The following COL12A1 variants were observed in gnomAD, a reference collection of about 807,000 sequenced individuals.
The protein encoded by COL12A1 is collagen type XII alpha 1 chain, also known as collagen alpha-1(XII) chain.
A neutral mutation model predicts 349.7 loss-of-function variants in COL12A1; 114 were observed. That is an observed-to-expected ratio of 0.33 (90% CI 0.28 to 0.38). The LOEUF (loss-of-function observed/expected upper bound fraction) is 0.38, where lower values mean the gene tolerates loss of function less well. Ranked by LOEUF, COL12A1 falls within the 10% of genes least tolerant of loss-of-function variation. The probability of loss-of-function intolerance (pLI) is 1.00; values close to 1 mark genes in which losing one functional copy is unlikely to be tolerated. For missense variants in COL12A1, 3,284 were observed against 3,756.9 expected (o/e 0.87, Z 3.29); for synonymous variants, 1,369 against 1,329.0 (o/e 1.03, Z -0.66).
At position 75,125,234 on chromosome 6, in the gene COL12A1, G is replaced by C. The variant is rs2149375589; in HGVS notation, c.6500C>G (p.Thr2167Arg). The change falls in exon 40 of 66, where the codon ACA becomes AGA. Residue 2167 changes from threonine (T) to arginine (R), a missense_variant. Physicochemically the swap from Thr to Arg is moderately conservative, Grantham distance 71 (BLOSUM62 -1). Coordinates refer to ENST00000322507, the MANE Select transcript of COL12A1 (RefSeq NM_004370.6). ...ATTGAGATTGTGTAAGGTATATGAT[G>C]TCATTTCTCCAACAAAGGCTTCCAT... The part of the protein sequence containing the change: ...EPMEAFVGEM[T>R]SYTLHNLNPS... 1 of 1,609,996 alleles carries C rather than the reference G, an allele frequency of 6.2e-7. No individual in the cohort carries two copies. Among genetic ancestry groups the C allele is most frequent in the Non-Finnish European group, 8.5e-7 (1 of 1,177,822 alleles).
chr6:75,098,778 G>T (rs575000451), intron 58 of COL12A1, among the ~76,000 whole-genome samples: 1 of 152,240 alleles, frequency 6.6e-6, no homozygotes, highest in East Asian at 1.9e-4. Flanking sequence ...TACACACAAA[G>T]GCCAGAACTG....
chr6:75,091,393 G>A lies in COL12A1; in HGVS notation c.8686-4C>T. The A allele has an allele frequency of 1.2e-6, 2 of 1,613,572 alleles. No individual in the cohort carries two copies. The highest frequency in any genetic ancestry group is 1.7e-6 in the Non-Finnish European group (2 of 1,179,736). ...TGTTCTGGGAAGCAATGTCTCCCTT[G>A]TTGAATTAATGAGAATGATTAGCAT... On this transcript the variant is annotated splice_polypyrimidine_tract_variant and splice_region_variant and intron_variant, in intron 61 of 65. Coordinates refer to ENST00000322507, the MANE Select transcript of COL12A1 (RefSeq NM_004370.6).
Position 75,201,629 on chromosome 6 carries a change from G to GAA in COL12A1, c.73+1089_73+1090dup, listed in dbSNP as rs199919591. 7.7e-3 allele frequency among the ~76,000 whole-genome samples: 1,086 copies of GAA among 140,240 alleles called. 39 individuals are homozygous for GAA. The East Asian group carries it at 0.12, about 16-fold the overall frequency. The allele number at this position is 140,240 out of a possible 152,430, so 92.0% of individuals were successfully genotyped here. Reference sequence around the variant, plus strand: ...ACTTCATCAGGGGTATTTCTTTACTGAAAAAAAAAAAAGATATCTTTCATG... The same window carrying GAA: ...ACTTCATCAGGGGTATTTCTTTACTGAAAAAAAAAAAAAAGATATCTTTCATG... On this transcript the variant is annotated intron_variant, in intron 2 of 65. Transcript: ENST00000322507.
At chr6:75,180,407 G>C (rs1233725902) in intron 11 of COL12A1, among the ~76,000 whole-genome samples, 1 of 152,122 alleles carries the variant, frequency 6.6e-6, no homozygotes. Flanking sequence ...AGTTTTGCTA[G>C]TTCTAAAGAC....
intron 8 of COL12A1, 22 bp from the exon 9 acceptor site, chr6:75,184,166 G>A: frequency 6.2e-7 from 1 of 1,607,548 alleles, no homozygotes; most frequent in Non-Finnish European, 8.5e-7. Flanking sequence ...CAAGCAGACA[G>A]TGATTAATAA....
At chr6:75,116,576 T>C (rs772716227) in intron 47 of COL12A1, among the ~76,000 whole-genome samples, 27 of 152,030 alleles carry the variant, frequency 1.8e-4, no homozygotes, top group Non-Finnish European at 3.8e-4. Context: ...GAGAAACCAC[T>C]CCAGCCCCCT....
chr6:75,095,434 G>A (rs1204425964), intron 59 of COL12A1, among the ~76,000 whole-genome samples: 2 of 151,906 alleles, frequency 1.3e-5, no homozygotes, highest in Admixed American at 6.5e-5. Context: ...TGGCTAACAA[G>A]GTGAAACCCC....
chr6:75,172,297 A>T (rs2149447601), intron 13 of COL12A1, among the ~76,000 whole-genome samples: 1 of 152,346 alleles, frequency 6.6e-6, no homozygotes, highest in South Asian at 2.1e-4. Flanking sequence ...TTTGTTAAAT[A>T]CAATTTGTAA....
At chr6:75,089,455 C>T (rs1767654253) in intron 63 of COL12A1, among the ~76,000 whole-genome samples, 1 of 152,024 alleles carries the variant, frequency 6.6e-6, no homozygotes, top group Non-Finnish European at 1.5e-5. Context: ...GAACAGTAAT[C>T]CTGAAGAAAT....
chr6:75,103,411 G>T (rs1219980648), intron 55 of COL12A1, among the ~76,000 whole-genome samples: 1 of 152,164 alleles, frequency 6.6e-6, no homozygotes, highest in Non-Finnish European at 1.5e-5. Context: ...AAAAGCAGCA[G>T]CAGTAGTGCT....
chr6:75,148,515 G>C lies in COL12A1; in HGVS notation c.4148-18C>G. The C allele has an allele frequency of 2.5e-6, 4 of 1,604,086 alleles. No individual in the cohort carries two copies. Among genetic ancestry groups the C allele is most frequent in the Non-Finnish European group, 3.4e-6 (4 of 1,174,180 alleles). ...CAAATCACCTACACATGGAAATAAA[G>C]GGTATACACTTTTCTCATTATTGTA... On this transcript the variant is annotated intron_variant, in intron 21 of 65. Transcript: ENST00000322507.
At chr6:75,104,311 A>G (rs1768440621) in intron 54 of COL12A1, among the ~76,000 whole-genome samples, 5 of 152,224 alleles carry the variant, frequency 3.3e-5, no homozygotes, top group Non-Finnish European at 5.9e-5. Context: ...AAAACATCTA[A>G]GTCACATCCA....
intron 32 of COL12A1, among the ~76,000 whole-genome samples, chr6:75,134,496 G>T (rs749443582): frequency 6.6e-6 from 1 of 152,104 alleles, no homozygotes; most frequent in East Asian, 1.9e-4. Flanking sequence ...GCTTGAACCC[G>T]GGAGGCAGAG....
At chr6:75,152,759 T>C (rs1649291866) in intron 17 of COL12A1, among the ~76,000 whole-genome samples, 1 of 152,162 alleles carries the variant, frequency 6.6e-6, no homozygotes, top group Non-Finnish European at 1.5e-5. Flanking sequence ...TCATAGAACC[T>C]GGAGACTTGA....
At position 75,145,431 on chromosome 6, in the gene COL12A1, C is replaced by T; in HGVS notation, c.4585G>A (p.Asp1529Asn). ...GGAACAAGGTCAGTCAGCTGCATGT[C>T]ATTCACTGTTGGCCCCAAACGCACC... Reference protein sequence around the residue: ...KEVRLGPTVNDMQLTDLVPNT... With the variant: ...KEVRLGPTVNNMQLTDLVPNT... Residue 1529 changes from aspartate (D) to asparagine (N), a missense_variant, in exon 25 of 66, where the codon GAC becomes AAC. Coordinates refer to ENST00000322507, the MANE Select transcript of COL12A1 (RefSeq NM_004370.6). 6.2e-7 allele frequency: 1 copy of T among 1,613,928 alleles called. No homozygotes were observed. The highest frequency in any genetic ancestry group is 8.5e-7 in the Non-Finnish European group (1 of 1,179,878).
intron 32 of COL12A1, 29 bp downstream of exon 32, chr6:75,134,697 G>A (rs1406429057): frequency 6.5e-7 from 1 of 1,546,672 alleles, no homozygotes; most frequent in Non-Finnish European, 8.8e-7. Flanking sequence ...AGCTATTAAA[G>A]AAGCTATAGG....
Position 75,117,529 on chromosome 6 carries a change from C to G in COL12A1, c.7372G>C (p.Val2458Leu), listed in dbSNP as rs766651496. Residue 2458 changes from valine (V) to leucine (L), a missense_variant, in exon 47 of 66, where the codon GTT becomes CTT. Val to Leu is a conservative substitution (Grantham distance 32). Transcript: ENST00000322507. ...TTGTAGTCGACATCAGCCACACCAA[C>G]TACAAAGACACTGAACCCTGCAAAG... ...IQQSGFSVFV[V>L]GVADVDYNEL... The G allele has an allele frequency of 6.2e-7, 1 of 1,613,544 alleles. No homozygotes were observed. The highest frequency in any genetic ancestry group is 1.1e-5 in the South Asian group (1 of 91,056).
In COL12A1 at chr6:75,115,836, T is replaced by C. The variant is rs760043105; in HGVS notation, c.7645A>G (p.Ser2549Gly). 6 of 1,613,632 alleles carry C rather than the reference T, an allele frequency of 3.7e-6. No individual in the cohort carries two copies. The highest frequency in any genetic ancestry group is 5.1e-6 in the Non-Finnish European group (6 of 1,179,664). Residue 2549 changes from serine (S) to glycine (G), a missense_variant, in exon 49 of 66, where the codon AGC becomes GGC. Transcript: ENST00000322507. ...GVSLESGSFP[S>G]YSAYRIQKNA... ...TTCTGAATCCTGTATGCTGAGTAGCTGGGGAAAGACCCTGACTCCAAAGAT... is the reference window on the plus strand; with the variant it reads ...TTCTGAATCCTGTATGCTGAGTAGCCGGGGAAAGACCCTGACTCCAAAGAT...
intron 49 of COL12A1, among the ~76,000 whole-genome samples, chr6:75,114,235 C>T (rs979936163): frequency 7.9e-5 from 12 of 151,746 alleles, no homozygotes; most frequent in African/African-American, 2.9e-4. Context: ...TCTCTCCCTC[C>T]CTATCAGTAA....
Sources: allele counts gnomAD v4.1 joint callset (sites outside exome capture counted in the v4.1 genomes callset), GRCh38; gene constraint gnomAD v4.1.1; transcripts MANE v1.5; gene names NCBI Gene and HGNC (gene_info 2026-07-23, HGNC 2026-07-21).